Variants in TMEM132C observed in about 807,000 individuals in gnomAD.
The protein encoded by TMEM132C is transmembrane protein 132C.
TMEM132C carries 29 observed loss-of-function variants against 61.4 expected under a neutral mutation model. The observed-to-expected ratio is 0.47, with a 90% CI of 0.35 to 0.64. TMEM132C has a LOEUF of 0.64. TMEM132C is among the 30% of genes least tolerant of loss of function. The probability of loss-of-function intolerance (pLI) is 0.00; values close to 1 mark genes in which losing one functional copy is unlikely to be tolerated. For missense variants in TMEM132C, 1,408 were observed against 1,476.9 expected, an observed-to-expected ratio of 0.95 and a Z score of 0.76; for synonymous variants, 656 against 633.1, an observed-to-expected ratio of 1.04 and a Z score of -0.54.
chr12:128,531,973 G>A (rs1015259277), intron 2 of TMEM132C, among the ~76,000 whole-genome samples: 56 of 152,246 alleles, frequency 3.7e-4, no homozygotes, highest in African/African-American at 7.9e-4. Context: ...ACACAAGAAC[G>A]GTAATTTTCA....
chr12:128,606,498 T>C lies in TMEM132C; in HGVS notation c.1122-9654T>C, dbSNP rs532889550. Among the ~76,000 whole-genome samples, 21 of 152,338 alleles carry C rather than the reference T, an allele frequency of 1.4e-4. No homozygotes were observed. The South Asian group carries it at 3.9e-3, about 29-fold the overall frequency. On this transcript the variant is annotated intron_variant, in intron 3 of 8. Coordinates refer to ENST00000435159, the MANE Select transcript of TMEM132C (RefSeq NM_001136103.3). ...TTCTTAATTGGATTCGCTTCAACAT[T>C]TATGCAGTGGGAGATTTCCCATTTT...
intron 2 of TMEM132C, among the ~76,000 whole-genome samples, chr12:128,487,239 T>C (rs1871529696): frequency 1.3e-5 from 2 of 152,162 alleles, no homozygotes; most frequent in Admixed American, 1.3e-4. Context: ...TTCCTGCTCT[T>C]CCTCACCCAT....
At chr12:128,552,282 C>T (rs1169893988) in intron 3 of TMEM132C, among the ~76,000 whole-genome samples, 3 of 152,212 alleles carry the variant, frequency 2.0e-5, no homozygotes, top group Admixed American at 6.5e-5. Context: ...TAGAAACTTA[C>T]ATAGAAAACC....
intron 5 of TMEM132C, among the ~76,000 whole-genome samples, chr12:128,683,201 T>C (rs1046730344): frequency 9.2e-5 from 14 of 152,156 alleles, no homozygotes; most frequent in Admixed American, 9.2e-4. Flanking sequence ...GCTAATATGT[T>C]CTGTCTGCCC....
chr12:128,485,516 T>G (rs1461393967), intron 2 of TMEM132C, among the ~76,000 whole-genome samples: 1 of 152,072 alleles, frequency 6.6e-6, no homozygotes, highest in Non-Finnish European at 1.5e-5. Flanking sequence ...TTGGAGGGGA[T>G]ATTTCCCCTA....
intron 2 of TMEM132C, among the ~76,000 whole-genome samples, chr12:128,539,104 C>T (rs1873639997): frequency 1.3e-5 from 2 of 152,126 alleles, no homozygotes; most frequent in South Asian, 2.1e-4. Context: ...ATTTTCGTTT[C>T]CCGGGGAAGT....
At chr12:128,487,237 C>T (rs902127189) in intron 2 of TMEM132C, among the ~76,000 whole-genome samples, 3 of 152,194 alleles carry the variant, frequency 2.0e-5, no homozygotes, top group African/African-American at 7.2e-5. Flanking sequence ...GCTTCCTGCT[C>T]TTCCTCACCC....
intron 4 of TMEM132C, among the ~76,000 whole-genome samples, chr12:128,665,598 C>A (rs1284988802): frequency 6.7e-6 from 1 of 148,612 alleles, no homozygotes; most frequent in Non-Finnish European, 1.5e-5. Flanking sequence ...TGCACACAGG[C>A]ACTCACACAT....
At chr12:128,599,622 C>T (rs1417877776) in intron 3 of TMEM132C, among the ~76,000 whole-genome samples, 6 of 152,280 alleles carry the variant, frequency 3.9e-5, no homozygotes, top group South Asian at 2.1e-4. Context: ...TACCCATGCT[C>T]GCCATAGATA....
rs929972299 is a variant in TMEM132C at position 128,267,180 on chromosome 12, C to T, written c.-223C>T. Among the ~76,000 whole-genome samples the T allele has an allele frequency of 3.4e-5, 5 of 146,612 alleles. No homozygotes were observed. Among genetic ancestry groups the T allele is most frequent in the African/African-American group, 1.2e-4 (5 of 40,770 alleles). ...GCGGAGGCTGCGGGAGAAAAGTTGT[C>T]CCGGCCGGAGCGCGAGCAGCGGCGG... On this transcript the variant is annotated 5_prime_UTR_variant, in exon 1 of 9. Transcript: ENST00000435159.
At chr12:128,584,288 G>A (rs530464886) in intron 3 of TMEM132C, among the ~76,000 whole-genome samples, 125 of 152,274 alleles carry the variant, frequency 8.2e-4, no homozygotes, top group South Asian at 5.4e-3. Context: ...AAACTTTCTG[G>A]AGTTCTATGC....
Position 128,347,708 on chromosome 12 carries a change from G to A in TMEM132C, c.86-67024G>A, listed in dbSNP as rs372603616. ...CTCCAAAAGTGCTGGGATTACAGGC[G>A]TGAGCCACCACGCCCAGCCTGCATG... On this transcript the variant is annotated intron_variant, in intron 1 of 8. Transcript: ENST00000435159. Among the ~76,000 whole-genome samples the A allele has an allele frequency of 5.3e-5, 8 of 152,330 alleles. No homozygotes were observed. In the East Asian group the frequency reaches 1.2e-3, roughly 22 times the overall value.
intron 1 of TMEM132C, among the ~76,000 whole-genome samples, chr12:128,343,824 G>A (rs1873058712): frequency 6.6e-6 from 1 of 151,920 alleles, no homozygotes; most frequent in African/African-American, 2.4e-5. Flanking sequence ...TGCCTATTTG[G>A]GACATTTCAT....
At chr12:128,311,989 TC>T (rs936871581) in intron 1 of TMEM132C, among the ~76,000 whole-genome samples, 1 of 152,196 alleles carries the variant, frequency 6.6e-6, no homozygotes, top group African/African-American at 2.4e-5. Context: ...AAACCCAACT[TC>T]CAGCTGTGCT....
intron 2 of TMEM132C, among the ~76,000 whole-genome samples, chr12:128,443,012 G>T (rs1869850707): frequency 1.3e-5 from 2 of 152,106 alleles, no homozygotes; most frequent in African/African-American, 4.8e-5. Flanking sequence ...GAAGTTTCTT[G>T]TTCTCAGGAG....
chr12:128,673,115 A>G (rs1430668640), intron 5 of TMEM132C, among the ~76,000 whole-genome samples: 1 of 152,138 alleles, frequency 6.6e-6, no homozygotes, highest in African/African-American at 2.4e-5. Context: ...ATCTTTTATC[A>G]TGGGCTGTAT....
chr12:128,662,997 C>T (rs77266911), intron 4 of TMEM132C, among the ~76,000 whole-genome samples: 1 of 152,288 alleles, frequency 6.6e-6, no homozygotes, highest in South Asian at 2.1e-4. Flanking sequence ...TGTCTGAGGC[C>T]ACGCGGGAGC....
intron 2 of TMEM132C, among the ~76,000 whole-genome samples, chr12:128,520,514 C>T (rs994082304): frequency 4.6e-5 from 7 of 152,114 alleles, no homozygotes; most frequent in African/African-American, 1.7e-4. Flanking sequence ...CACCTTAGAC[C>T]CAGAGATGGA....
intron 1 of TMEM132C, among the ~76,000 whole-genome samples, chr12:128,381,627 C>T (rs374229882): frequency 1.1e-4 from 17 of 152,276 alleles, no homozygotes; most frequent in Admixed American, 2.0e-4. Flanking sequence ...CTGCGGGAAT[C>T]GCTGCTCTGA....
Sources: gnomAD v4.1 joint callset for allele counts (sites outside exome capture counted in the v4.1 genomes callset) on GRCh38, gnomAD v4.1.1 for gene constraint, MANE v1.5 for transcripts, NCBI Gene and HGNC (gene_info 2026-07-23, HGNC 2026-07-21) for gene names.